Variants in RARB observed in about 807,000 individuals in gnomAD.
The protein encoded by RARB is HBV-activated protein.
In RARB, 17 loss-of-function variants were observed where a neutral mutation model predicts 51.9. That is an observed-to-expected ratio of 0.33 (90% CI 0.22 to 0.49). The LOEUF (loss-of-function observed/expected upper bound fraction) is 0.49, where lower values mean the gene tolerates loss of function less well. RARB is among the 20% of genes least tolerant of loss of function. The pLI is 0.99. For missense variants in RARB, 369 were observed against 550.8 expected (o/e 0.67, Z 3.30); for synonymous variants, 215 against 195.4 (o/e 1.10, Z -0.84).
intron 5 of RARB, among the ~76,000 whole-genome samples, chr3:25,249,493 T>C (rs1702650762): frequency 6.6e-6 from 1 of 152,142 alleles, no homozygotes; most frequent in Non-Finnish European, 1.5e-5. Flanking sequence ...AGGTTTCATA[T>C]ATCCCTGCTT....
At chr3:25,395,087 T>C (rs552221472) in intron 5 of RARB, among the ~76,000 whole-genome samples, 39 of 152,202 alleles carry the variant, frequency 2.6e-4, no homozygotes, top group Non-Finnish European at 5.1e-4. Context: ...GCAGCTCTTG[T>C]AGTGTTGTCT....
At chr3:25,512,097 G>A (rs1422294664) in intron 3 of RARB, among the ~76,000 whole-genome samples, 3 of 152,074 alleles carry the variant, frequency 2.0e-5, no homozygotes, top group Non-Finnish European at 4.4e-5. Context: ...TACTTCATGT[G>A]GCTATTGTGA....
At chr3:25,556,440 ACCAAGG>A in intron 3 of RARB, among the ~76,000 whole-genome samples, 1 of 152,328 alleles carries the variant, frequency 6.6e-6, no homozygotes, top group East Asian at 1.9e-4. Context: ...ATTCAGGACA[ACCAAGG>A]CCAAGTAGAA....
At chr3:25,136,059 T>A (rs2125335118) in intron 4 of RARB, among the ~76,000 whole-genome samples, 1 of 152,098 alleles carries the variant, frequency 6.6e-6, no homozygotes, top group East Asian at 1.9e-4. Context: ...CCTTCTTGGG[T>A]CTAGCAGCAC....
chr3:25,426,954 A>C (rs1337882635), upstream of RARB, among the ~76,000 whole-genome samples: 2 of 152,180 alleles, frequency 1.3e-5, no homozygotes, highest in African/African-American at 4.8e-5. Flanking sequence ...TTTCCCTTAA[A>C]ATTACTGTAT....
At chr3:24,886,861 A>G (rs1454516507) in intron 2 of RARB, among the ~76,000 whole-genome samples, 4 of 152,234 alleles carry the variant, frequency 2.6e-5, no homozygotes, top group South Asian at 4.1e-4. Flanking sequence ...GCTTTCCTAT[A>G]TTAAGCTTTT....
chr3:25,127,423 C>T (rs1200161890), intron 3 of RARB, among the ~76,000 whole-genome samples: 9 of 152,182 alleles, frequency 5.9e-5, no homozygotes, highest in Non-Finnish European at 2.9e-5. Flanking sequence ...GGTGTCTTCT[C>T]ATTCTGGCAG....
At chr3:25,515,676 A>G (rs779413749) in intron 3 of RARB, among the ~76,000 whole-genome samples, 17 of 152,236 alleles carry the variant, frequency 1.1e-4, no homozygotes, top group Non-Finnish European at 2.2e-4. Flanking sequence ...AACAGTCTAT[A>G]TTATTCCATT....
At chr3:25,411,307 G>T (rs1052301202) in intron 5 of RARB, among the ~76,000 whole-genome samples, 4 of 152,150 alleles carry the variant, frequency 2.6e-5, no homozygotes, top group Non-Finnish European at 5.9e-5. Flanking sequence ...ACAGAGACCA[G>T]GTTTTGGTGA....
At chr3:25,172,044 A>G (rs1670540416) in intron 4 of RARB, among the ~76,000 whole-genome samples, 1 of 152,194 alleles carries the variant, frequency 6.6e-6, no homozygotes, top group South Asian at 2.1e-4. Context: ...GATTTTTAGA[A>G]TTAGTGTGTT....
At chr3:25,557,172 C>T (rs1575516874) in intron 3 of RARB, among the ~76,000 whole-genome samples, 1 of 147,550 alleles carries the variant, frequency 6.8e-6, no homozygotes. Context: ...CACACACACA[C>T]AATTGCCATG....
At chr3:25,572,983 G>A (rs1700767153) in intron 4 of RARB, among the ~76,000 whole-genome samples, 1 of 152,110 alleles carries the variant, frequency 6.6e-6, no homozygotes, top group Non-Finnish European at 1.5e-5. Flanking sequence ...GATTCCTACA[G>A]GATGGCTCAC....
intron 1 of RARB, among the ~76,000 whole-genome samples, chr3:24,857,390 T>A (rs1316971350): frequency 2.0e-5 from 3 of 152,230 alleles, no homozygotes; most frequent in Non-Finnish European, 2.9e-5. Context: ...TAAAGATGTT[T>A]CTAGGGTCGT....
intron 2 of RARB, among the ~76,000 whole-genome samples, chr3:24,903,468 A>G (rs574581030): frequency 6.6e-6 from 1 of 152,284 alleles, no homozygotes; most frequent in East Asian, 1.9e-4. Flanking sequence ...TGTAATCACA[A>G]TATATTTGTA....
intron 2 of RARB, among the ~76,000 whole-genome samples, chr3:24,873,512 T>G (rs978977353): frequency 7.2e-5 from 11 of 152,096 alleles, no homozygotes; most frequent in African/African-American, 2.7e-4. Context: ...TTACTGTGTT[T>G]TTCTTTTTTA....
intron 5 of RARB, among the ~76,000 whole-genome samples, chr3:25,225,390 G>A (rs1702035049): frequency 6.6e-6 from 1 of 152,116 alleles, no homozygotes; most frequent in African/African-American, 2.4e-5. Context: ...GGTAATATCT[G>A]AGTATCTTCT....
intron 1 of RARB, among the ~76,000 whole-genome samples, chr3:24,850,361 T>C (rs1702540625): frequency 6.6e-6 from 1 of 152,222 alleles, no homozygotes; most frequent in Non-Finnish European, 1.5e-5. Context: ...CCTGAAATGT[T>C]TCCTGCTTGG....
At chr3:24,897,721 A>G (rs1190076005) in intron 2 of RARB, among the ~76,000 whole-genome samples, 1 of 149,344 alleles carries the variant, frequency 6.7e-6, no homozygotes, top group Non-Finnish European at 1.5e-5. Flanking sequence ...AAACCATCAC[A>G]GTATTTTCCA....
At chr3:25,033,338 A>C (rs753923716) in intron 2 of RARB, among the ~76,000 whole-genome samples, 4 of 152,194 alleles carry the variant, frequency 2.6e-5, no homozygotes, top group Non-Finnish European at 4.4e-5. Context: ...TCTCAGAATA[A>C]ATTATTTCTC....
Sources: gnomAD v4.1 joint callset for allele counts (sites outside exome capture counted in the v4.1 genomes callset) on GRCh38, gnomAD v4.1.1 for gene constraint, MANE v1.5 for transcripts, NCBI Gene and HGNC (gene_info 2026-07-23, HGNC 2026-07-21) for gene names.